The following AFG2A variants were observed in gnomAD, a reference collection of about 807,000 sequenced individuals.
The protein encoded by AFG2A is ATPase family gene 2 protein homolog A.
the AFG2A span, among the ~76,000 whole-genome samples, chr4:123,120,187 T>TTTGGAAA: frequency 1.3e-5 from 2 of 152,152 alleles, no homozygotes; most frequent in Non-Finnish European, 1.5e-5. Flanking sequence ...AGAGAACGTG[T>TTTGGAAA]TTGGAAATTG....
At chr4:123,296,083 A>T in the AFG2A span, among the ~76,000 whole-genome samples, 1 of 152,140 alleles carries the variant, frequency 6.6e-6, no homozygotes, top group Non-Finnish European at 1.5e-5. Flanking sequence ...ATGAATCAAA[A>T]GACCTGGACA....
At chr4:123,272,294 T>C in the AFG2A span, among the ~76,000 whole-genome samples, 1 of 152,228 alleles carries the variant, frequency 6.6e-6, no homozygotes, top group Non-Finnish European at 1.5e-5. Flanking sequence ...AAACCCCTCC[T>C]TACTAAATGT....
the AFG2A span, among the ~76,000 whole-genome samples, chr4:123,140,510 T>TTA: frequency 4.5e-4 from 68 of 150,650 alleles, no homozygotes; most frequent in East Asian, 1.8e-3. Context: ...TTTTTTTTTT[T>TTA]AAAAAAGCGA....
chr4:123,102,935 A>C, the AFG2A span, among the ~76,000 whole-genome samples: 2 of 151,886 alleles, frequency 1.3e-5, no homozygotes, highest in African/African-American at 2.4e-5. Context: ...TAAATTCATA[A>C]AACATGAAGA....
At chr4:123,189,513 A>G in the AFG2A span, among the ~76,000 whole-genome samples, 16 of 152,010 alleles carry the variant, frequency 1.1e-4, no homozygotes, top group Non-Finnish European at 2.1e-4. Flanking sequence ...TTAACCCTCA[A>G]TGTACACTGG....
chr4:123,197,407 G>A, the AFG2A span, among the ~76,000 whole-genome samples: 2 of 152,166 alleles, frequency 1.3e-5, no homozygotes, highest in Admixed American at 6.5e-5. Flanking sequence ...TACAAAAAGA[G>A]AAACATCAAA....
chr4:123,257,607 G>C, the AFG2A span, among the ~76,000 whole-genome samples: 1 of 152,130 alleles, frequency 6.6e-6, no homozygotes, highest in Non-Finnish European at 1.5e-5. Flanking sequence ...CTGAAACAGT[G>C]ATCTTTATGA....
the AFG2A span, among the ~76,000 whole-genome samples, chr4:123,311,858 A>G: frequency 6.6e-6 from 1 of 152,148 alleles, no homozygotes; most frequent in East Asian, 1.9e-4. Flanking sequence ...TTCTTCTGCC[A>G]GTTTGATTAC....
chr4:123,212,229 T>A, the AFG2A span, among the ~76,000 whole-genome samples: 7 of 152,154 alleles, frequency 4.6e-5, no homozygotes, highest in African/African-American at 1.7e-4. Flanking sequence ...TCCATAGTTT[T>A]TCCTTTTTCT....
the AFG2A span, among the ~76,000 whole-genome samples, chr4:123,130,306 G>A: frequency 2.6e-5 from 4 of 152,252 alleles, no homozygotes; most frequent in Admixed American, 6.5e-5. Flanking sequence ...CGTGAGACAC[G>A]ATGCCAGGTT....
chr4:123,059,353 T>C, the AFG2A span, among the ~76,000 whole-genome samples: 4 of 134,524 alleles, frequency 3.0e-5, no homozygotes, highest in Non-Finnish European at 4.7e-5. Context: ...CCTTCCGGTG[T>C]CCATGTGTTC....
At chr4:123,012,809 T>G in the AFG2A span, among the ~76,000 whole-genome samples, 3 of 152,112 alleles carry the variant, frequency 2.0e-5, no homozygotes, top group African/African-American at 7.2e-5. Flanking sequence ...TTACCGACTT[T>G]AAAATTGGTG....
chr4:123,287,168 G>A, the AFG2A span, among the ~76,000 whole-genome samples: 16 of 152,278 alleles, frequency 1.1e-4, no homozygotes, highest in Non-Finnish European at 2.2e-4. Flanking sequence ...GGAACTACTT[G>A]CAGCCACTCA....
the AFG2A span, among the ~76,000 whole-genome samples, chr4:123,106,691 C>T: frequency 0.01 from 1,534 of 152,346 alleles, 36 homozygotes; most frequent in African/African-American, 0.035. Context: ...AGAACTACCT[C>T]AGCAAAGAAG....
chr4:123,021,163 TATATTCC>T, the AFG2A span, among the ~76,000 whole-genome samples: 1 of 152,192 alleles, frequency 6.6e-6, no homozygotes, highest in Non-Finnish European at 1.5e-5. Context: ...CATTTCCTCT[TATATTCC>T]ATACTTGTAA....
chr4:122,932,769 C>G, the AFG2A span, among the ~76,000 whole-genome samples: 172 of 152,220 alleles, frequency 1.1e-3, 1 homozygote, highest in East Asian at 0.014. Flanking sequence ...TGCCCTTTCT[C>G]CAGAAAAAAA....
chr4:123,106,821 G>A, the AFG2A span, among the ~76,000 whole-genome samples: 3 of 152,244 alleles, frequency 2.0e-5, no homozygotes, highest in African/African-American at 7.2e-5. Context: ...GCTGCACTCT[G>A]CTCGTGCTAC....
chr4:122,935,533 A>G, the AFG2A span, among the ~76,000 whole-genome samples: 1 of 151,766 alleles, frequency 6.6e-6, no homozygotes, highest in African/African-American at 2.4e-5. Context: ...AGAGAAAGTC[A>G]TTGCTGGGTA....
At chr4:123,130,472 C>G in the AFG2A span, among the ~76,000 whole-genome samples, 1 of 152,210 alleles carries the variant, frequency 6.6e-6, no homozygotes, top group Non-Finnish European at 1.5e-5. Flanking sequence ...CTGATCTGTC[C>G]TGTAGTTTTG....
Sources: allele counts gnomAD v4.1 joint callset (sites outside exome capture counted in the v4.1 genomes callset), GRCh38; gene constraint gnomAD v4.1.1; transcripts MANE v1.5; gene names NCBI Gene and HGNC (gene_info 2026-07-23, HGNC 2026-07-21).